SGCZ: variants seen among roughly 807,000 people sequenced by gnomAD.
SGCZ encodes the protein zeta-sarcoglycan.
SGCZ carries 40 observed loss-of-function variants against 41.3 expected under a neutral mutation model. That is an observed-to-expected ratio of 0.97 (90% CI 0.75 to 1.26). SGCZ has a LOEUF of 1.26. SGCZ is among the 50% of genes most tolerant of loss of function. SGCZ has a pLI of 0.00. For missense variants in SGCZ, 552 were observed against 369.8 expected (o/e 1.49, Z -4.04); for synonymous variants, 206 against 137.5 (o/e 1.50, Z -3.49).
At chr8:14,614,672 A>T (rs1183133975) in intron 1 of SGCZ, among the ~76,000 whole-genome samples, 1 of 152,208 alleles carries the variant, frequency 6.6e-6, no homozygotes, top group Middle Eastern at 3.4e-3. Context: ...GAGTTAGAAA[A>T]TTTTTTAAAA....
chr8:14,505,903 A>C (rs1213478115), intron 2 of SGCZ, among the ~76,000 whole-genome samples: 2 of 152,154 alleles, frequency 1.3e-5, no homozygotes, highest in African/African-American at 2.4e-5. Flanking sequence ...TCTTCAGGTG[A>C]TTCGAACGCA....
chr8:14,304,692 G>A (rs980385173), intron 3 of SGCZ, among the ~76,000 whole-genome samples: 10 of 152,114 alleles, frequency 6.6e-5, no homozygotes, highest in Admixed American at 1.3e-4. Flanking sequence ...TGCATTATTC[G>A]TGGAATTTAT....
At chr8:14,831,892 A>G (rs766847481) in intron 1 of SGCZ, among the ~76,000 whole-genome samples, 1 of 146,616 alleles carries the variant, frequency 6.8e-6, no homozygotes, top group Non-Finnish European at 1.5e-5. Flanking sequence ...ACTTGTATAT[A>G]TATGTTTGTG....
intron 1 of SGCZ, among the ~76,000 whole-genome samples, chr8:15,133,054 G>A (rs1026909861): frequency 6.6e-6 from 1 of 152,054 alleles, no homozygotes; most frequent in Non-Finnish European, 1.5e-5. Flanking sequence ...GAGGTAGGAG[G>A]ATGGCTTCAG....
chr8:15,114,393 G>A (rs1807188463), intron 1 of SGCZ, among the ~76,000 whole-genome samples: 1 of 152,206 alleles, frequency 6.6e-6, no homozygotes, highest in East Asian at 1.9e-4. Context: ...TTCCCAGCCT[G>A]TGATTAGTAA....
intron 1 of SGCZ, among the ~76,000 whole-genome samples, chr8:14,826,486 C>G (rs1334994173): frequency 2.0e-5 from 3 of 152,054 alleles, no homozygotes; most frequent in Non-Finnish European, 4.4e-5. Context: ...ATTTCTAGTT[C>G]TAGATCCCTG....
chr8:15,197,287 G>T (rs1160689690), intron 1 of SGCZ, among the ~76,000 whole-genome samples: 3 of 152,064 alleles, frequency 2.0e-5, no homozygotes. Flanking sequence ...AATTAGTGTC[G>T]ACATTAACAA....
chr8:14,864,152 T>A (rs1218350789), intron 1 of SGCZ, among the ~76,000 whole-genome samples: 1 of 152,140 alleles, frequency 6.6e-6, no homozygotes, highest in Non-Finnish European at 1.5e-5. Flanking sequence ...CATCATTGGA[T>A]TTTCAGCAAT....
intron 2 of SGCZ, among the ~76,000 whole-genome samples, chr8:14,454,877 C>A (rs1800698085): frequency 6.6e-6 from 1 of 152,126 alleles, no homozygotes; most frequent in African/African-American, 2.4e-5. Flanking sequence ...CGACAATAAA[C>A]TCCAAATGGA....
rs533309510 is a variant in SGCZ, at chr8:14,573,139, A to C, written c.40-18213T>G. Among the ~76,000 whole-genome samples the C allele has an allele frequency of 3.3e-5, 5 of 151,930 alleles. No individual in the cohort carries two copies. In the South Asian group the frequency reaches 1.0e-3, roughly 32 times the overall value. ...TCAGATAGCAAATAAGCATAACATG[A>C]AACAACTTCGATTCCCTTTTAAATT... On this transcript the variant is annotated intron_variant, in intron 1 of 7. Transcript: ENST00000382080.
intron 1 of SGCZ, among the ~76,000 whole-genome samples, chr8:14,604,535 G>A (rs1329100135): frequency 1.3e-5 from 2 of 152,054 alleles, no homozygotes; most frequent in African/African-American, 4.8e-5. Context: ...CTCTAACAAT[G>A]TACACTGACT....
In SGCZ at chr8:15,125,935, C is replaced by A. The variant is rs559501735; in HGVS notation, c.39+111650G>T. Among the ~76,000 whole-genome samples, 10 of 152,296 alleles carry A rather than the reference C, an allele frequency of 6.6e-5. No homozygotes were observed. In the East Asian group the frequency reaches 1.9e-3, roughly 29 times the overall value. On this transcript the variant is annotated intron_variant, in intron 1 of 7. Transcript: ENST00000382080. ...CCAAGGCAAGTGGATCACCTGAGGT[C>A]AGGAGTTTGAGACCAGCCTGACCAA...
At position 14,085,484 on chromosome 8, in the gene SGCZ, T is replaced by C. The variant is rs1447558556; in HGVS notation, c.*4959A>G. ...AAGACTGAAAAAAACAAAAAATAACTACAGTTCATTATATCTCATTTCCTT... is the reference window on the plus strand; with the variant it reads ...AAGACTGAAAAAAACAAAAAATAACCACAGTTCATTATATCTCATTTCCTT... On this transcript the variant is annotated 3_prime_UTR_variant, in exon 8 of 8. Coordinates refer to ENST00000382080, the MANE Select transcript of SGCZ (RefSeq NM_139167.4). Among the ~76,000 whole-genome samples, 1 of 151,748 alleles carries C rather than the reference T, an allele frequency of 6.6e-6. No homozygotes were observed. Among genetic ancestry groups the C allele is most frequent in the Admixed American group, 6.6e-5 (1 of 15,186 alleles).
At chr8:15,219,279 TG>T (rs941164533) in intron 1 of SGCZ, among the ~76,000 whole-genome samples, 2 of 152,208 alleles carry the variant, frequency 1.3e-5, no homozygotes, top group African/African-American at 4.8e-5. Context: ...CTCTTGTGTT[TG>T]TTCACATATA....
At chr8:14,425,010 G>A (rs13258084) in intron 2 of SGCZ, among the ~76,000 whole-genome samples, 31,238 of 152,014 alleles carry the variant, frequency 0.21, 3,791 homozygotes, top group Non-Finnish European at 0.29. Context: ...TCATGACTTC[G>A]TTATTGAGCT....
chr8:14,886,023 ATATATAT>A (rs1804788126), intron 1 of SGCZ, among the ~76,000 whole-genome samples: 2 of 116,656 alleles, frequency 1.7e-5, no homozygotes, highest in African/African-American at 6.2e-5. Context: ...ATATATATAT[ATATATAT>A]ATATAAAATT....
At chr8:14,695,478 A>T (rs1808929063) in intron 1 of SGCZ, among the ~76,000 whole-genome samples, 1 of 152,154 alleles carries the variant, frequency 6.6e-6, no homozygotes, top group South Asian at 2.1e-4. Context: ...AACATCTATT[A>T]TGGCAGGATG....
chr8:14,125,271 A>T (rs1802816364), intron 5 of SGCZ, among the ~76,000 whole-genome samples: 2 of 147,984 alleles, frequency 1.4e-5, no homozygotes, highest in Admixed American at 1.3e-4. Context: ...CACAAGGTCG[A>T]GGTGGGTGGT....
chr8:14,864,718 T>G (rs568067093), intron 1 of SGCZ, among the ~76,000 whole-genome samples: 9 of 152,138 alleles, frequency 5.9e-5, no homozygotes, highest in African/African-American at 2.2e-4. Flanking sequence ...TAAAAGACCA[T>G]TCTATTTTTA....
Sources: allele counts gnomAD v4.1 joint callset (sites outside exome capture counted in the v4.1 genomes callset), GRCh38; gene constraint gnomAD v4.1.1; transcripts MANE v1.5; gene names NCBI Gene and HGNC (gene_info 2026-07-23, HGNC 2026-07-21).